Variants in MDGA1 observed in about 807,000 individuals in gnomAD.
The protein encoded by MDGA1 is MAM domain-containing glycosylphosphatidylinositol anchor protein 1.
In MDGA1, 54 loss-of-function variants were observed where a neutral mutation model predicts 101.5. The observed-to-expected ratio is 0.53, with a 90% confidence interval of 0.43 to 0.67. MDGA1 has a LOEUF of 0.67. Among genes scored for constraint, MDGA1 ranks in the 30% least tolerant of loss-of-function variants. MDGA1 has a pLI of 0.00. For synonymous variants in MDGA1, 533 were observed against 558.3 expected (o/e 0.95, Z 0.64); for missense variants, 1,083 against 1,323.8 (o/e 0.82, Z 2.82).
intron 10 of MDGA1, 97 bp downstream of exon 10, chr6:37,647,076 C>A: frequency 1.7e-6 from 2 of 1,165,130 alleles, no homozygotes; most frequent in Middle Eastern, 2.6e-4. Flanking sequence ...GTGTCTAAGC[C>A]CCATCTCCGA....
In MDGA1 at chr6:37,663,978, G is replaced by T. The variant is rs372363683; in HGVS notation, c.196C>A (p.Pro66Thr). 6.6e-5 allele frequency: 107 copies of T among 1,613,744 alleles called. 1 individual carries two copies. The East Asian group carries it at 1.8e-3, about 28-fold the overall frequency. ...GGCTGGGGGCTTACCTGGGGTCGAG[G>T]GTGCCCTGTTACAAGGCACTGCAGC... ...LMLQCLVTGH[P>T]RPQVRWTKTA... Residue 66 changes from proline to threonine, a missense_variant, in exon 2 of 17, where the codon CCT (proline) becomes ACT (threonine). Physicochemically the swap from Pro to Thr is conservative, Grantham distance 38. Coordinates refer to ENST00000434837, the MANE Select transcript of MDGA1 (RefSeq NM_153487.4).
chr6:37,646,444 G>A (rs954716887), intron 10 of MDGA1, 69 bp from the exon 11 acceptor site: 3 of 1,344,886 alleles, frequency 2.2e-6, no homozygotes, highest in East Asian at 2.6e-5. Flanking sequence ...TGTGAGACAG[G>A]ACAATCACCC....
At chr6:37,681,871 G>A (rs898337931) in intron 1 of MDGA1, among the ~76,000 whole-genome samples, 12 of 152,240 alleles carry the variant, frequency 7.9e-5, no homozygotes, top group African/African-American at 2.7e-4. Context: ...CAGAAAGGAG[G>A]GAGTGAACCA....
At position 37,696,896 on chromosome 6, in the gene MDGA1, CT is replaced by C; in HGVS notation, c.-86del. On this transcript the variant is annotated 5_prime_UTR_variant, in exon 1 of 17. It adds an upstream start codon to the 5' untranslated region. Transcript: ENST00000434837. This position sits in a 1 kb window ranked among gnomAD's most constrained non-coding sequence, Gnocchi z 5.6. ...CATTCGCCGGGGCCCCGCGACGCCC[CT>C]ATGTCCCCCCCTTTCCCTGAGAGGT... 2 of 1,086,672 alleles carry C rather than the reference CT, an allele frequency of 1.8e-6. No homozygotes were observed. The highest frequency in any genetic ancestry group is 2.8e-6 in the Non-Finnish European group (2 of 725,772). 67.3% of individuals were successfully genotyped at this position (1,086,672 alleles called of 1,614,324 possible). A position where few individuals can be genotyped will look rare whatever the true frequency, so the allele number is the denominator to read the frequency against.
intron 16 of MDGA1, among the ~76,000 whole-genome samples, chr6:37,637,779 A>C (rs529832566): frequency 1.3e-5 from 2 of 152,290 alleles, no homozygotes; most frequent in South Asian, 4.1e-4. Context: ...TGTGAGGATT[A>C]ACTGTTGTGA....
At chr6:37,681,006 C>CA (rs1475270008) in intron 1 of MDGA1, among the ~76,000 whole-genome samples, 2 of 151,784 alleles carry the variant, frequency 1.3e-5, no homozygotes, top group Non-Finnish European at 3.0e-5. Context: ...GCCCCCCCCC[C>CA]CCAGGAAACC....
At chr6:37,664,598 A>AACACACACACAC (rs763900728) in intron 1 of MDGA1, among the ~76,000 whole-genome samples, 2 of 45,668 alleles carry the variant, frequency 4.4e-5, no homozygotes, top group African/African-American at 6.8e-5. Flanking sequence ...TCTCCCCCAC[A>AACACACACACAC]ATACACACAC....
intron 1 of MDGA1, among the ~76,000 whole-genome samples, chr6:37,665,311 C>G (rs894344719): frequency 6.6e-6 from 1 of 151,990 alleles, no homozygotes; most frequent in Non-Finnish European, 1.5e-5. Flanking sequence ...ATACTGGGCA[C>G]GAGGAACACA....
chr6:37,662,357 C>T (rs13203140), intron 2 of MDGA1, among the ~76,000 whole-genome samples: 85,587 of 151,836 alleles, frequency 0.56, 26,087 homozygotes, highest in East Asian at 0.85. Flanking sequence ...TCTGTAATCT[C>T]AGCACTTAGG....
rs911356406 is a variant in MDGA1 at position 37,697,739 on chromosome 6, A to C, written c.-928T>G. On this transcript the variant is annotated 5_prime_UTR_variant, in exon 1 of 17. Transcript: ENST00000434837. ...GAGAGCGGGGCTACGCCGCGCCCCA[A>C]GTTGGTCGTCCCCGCCCCCGCCCGG... 1 of 149,092 alleles carries C rather than the reference A, an allele frequency of 6.7e-6. No homozygotes were observed. Among genetic ancestry groups the C allele is most frequent in the African/African-American group, 2.4e-5 (1 of 40,820 alleles). 9.2% of individuals were successfully genotyped at this position (149,092 alleles called of 1,614,324 possible).
At chr6:37,679,524 C>T (rs1340304543) in intron 1 of MDGA1, among the ~76,000 whole-genome samples, 1 of 152,160 alleles carries the variant, frequency 6.6e-6, no homozygotes, top group African/African-American at 2.4e-5. Context: ...TTCTTCTACC[C>T]TTCCTCCTGG....
chr6:37,644,407 C>T (rs1318843762), intron 13 of MDGA1, 90 bp downstream of exon 13: 22 of 1,304,226 alleles, frequency 1.7e-5, no homozygotes, highest in Middle Eastern at 2.5e-4. Context: ...AGACTGGAGC[C>T]GTCTCCCTTC....
intron 14 of MDGA1, among the ~76,000 whole-genome samples, chr6:37,640,973 C>T (rs1764061293): frequency 1.3e-5 from 2 of 152,130 alleles, no homozygotes; most frequent in South Asian, 4.1e-4. Flanking sequence ...CTCTCAAGGT[C>T]CCACCCCCTG....
At chr6:37,646,513 G>T in intron 10 of MDGA1, 138 bp from the exon 11 acceptor site, 1 of 615,454 alleles carries the variant, frequency 1.6e-6, no homozygotes, top group Non-Finnish European at 2.5e-6. Flanking sequence ...GCAACACACT[G>T]AAACATTAAT....
chr6:37,661,190 T>C (rs1018989383), intron 2 of MDGA1, among the ~76,000 whole-genome samples: 7 of 152,230 alleles, frequency 4.6e-5, no homozygotes, highest in African/African-American at 1.7e-4. Flanking sequence ...TGGATGGACC[T>C]GTAGCCTCAA....
intron 14 of MDGA1, among the ~76,000 whole-genome samples, chr6:37,643,552 G>A (rs576101404): frequency 4.2e-4 from 64 of 152,336 alleles, no homozygotes; most frequent in African/African-American, 1.3e-3. Context: ...GATTACAGGC[G>A]TGAGCCACCA....
chr6:37,675,555 A>C (rs902351670), intron 1 of MDGA1, among the ~76,000 whole-genome samples: 1 of 152,182 alleles, frequency 6.6e-6, no homozygotes, highest in Non-Finnish European at 1.5e-5. Flanking sequence ...TAATCCTGAG[A>C]GATCAGAACA....
chr6:37,657,725 A>G (rs1761523796), intron 3 of MDGA1, among the ~76,000 whole-genome samples: 2 of 152,216 alleles, frequency 1.3e-5, no homozygotes, highest in Non-Finnish European at 2.9e-5. Flanking sequence ...CTCGGGCTAA[A>G]GGATTACCCG....
intron 14 of MDGA1, among the ~76,000 whole-genome samples, chr6:37,640,525 G>C (rs570107218): frequency 1.5e-4 from 23 of 152,224 alleles, no homozygotes; most frequent in Non-Finnish European, 2.5e-4. Flanking sequence ...TTTTTTAGTA[G>C]AGATGGGGTC....
Sources: allele counts gnomAD v4.1 joint callset (sites outside exome capture counted in the v4.1 genomes callset), GRCh38; gene constraint gnomAD v4.1.1; non-coding constraint Gnocchi (gnomAD v3.1); transcripts MANE v1.5; gene names NCBI Gene and HGNC (gene_info 2026-07-23, HGNC 2026-07-21).